MRPS31: variants seen among roughly 807,000 people sequenced by gnomAD.
The protein encoded by MRPS31 is mitochondrial ribosomal protein S31, also known as small ribosomal subunit protein mS31.
Under a neutral mutation model 43.1 loss-of-function variants are expected in MRPS31, and 32 were observed. The observed-to-expected ratio is 0.74, with a 90% confidence interval of 0.56 to 1.00. The LOEUF is 1.00. Among genes scored for constraint, MRPS31 ranks in the 50% least tolerant of loss-of-function variants. MRPS31 has a pLI of 0.00. For missense variants in MRPS31, 437 were observed against 466.7 expected, an observed-to-expected ratio of 0.94 and a Z score of 0.59; for synonymous variants, 165 against 161.6, an observed-to-expected ratio of 1.02 and a Z score of -0.16.
At chr13:40,756,410 A>G (rs1479845299) in intron 4 of MRPS31, among the ~76,000 whole-genome samples, 1 of 152,226 alleles carries the variant, frequency 6.6e-6, no homozygotes, top group Admixed American at 6.5e-5. Flanking sequence ...AGTGTTATAT[A>G]AACTTTTTTC....
chr13:40,771,129 G>C lies in MRPS31; in HGVS notation c.8C>G (p.Pro3Arg). MF[P>R]RVSTFLPLRP... The stretch of plus-strand genomic sequence containing the variant: ...AAGAGGTAGGAACGTCGAGACTCTA[G>C]GAAACATCGCCGAGACACGAAATGA... The change falls in exon 1 of 7, where the codon CCT becomes CGT. Residue 3 changes from proline (P) to arginine (R), a missense_variant. By Grantham distance (103) the Pro-to-Arg change is moderately radical. Coordinates refer to ENST00000323563, the MANE Select transcript of MRPS31 (RefSeq NM_005830.4). 1 of 1,602,964 alleles carries C rather than the reference G, an allele frequency of 6.2e-7. No individual in the cohort carries two copies. Among genetic ancestry groups the C allele is most frequent in the East Asian group, 2.2e-5 (1 of 44,572 alleles).
At chr13:40,764,766 C>A (rs898100787) in intron 2 of MRPS31, among the ~76,000 whole-genome samples, 1 of 152,184 alleles carries the variant, frequency 6.6e-6, no homozygotes, top group Non-Finnish European at 1.5e-5. Context: ...AAACTTCAGA[C>A]AATTCCAGCC....
chr13:40,738,800 A>C (rs1457045086), intron 6 of MRPS31, among the ~76,000 whole-genome samples: 1 of 152,212 alleles, frequency 6.6e-6, no homozygotes, highest in African/African-American at 2.4e-5. Context: ...AAATAATAAG[A>C]GATATCTATG....
chr13:40,735,284 C>A (rs1291205908), intron 6 of MRPS31, among the ~76,000 whole-genome samples: 4 of 152,222 alleles, frequency 2.6e-5, no homozygotes, highest in Non-Finnish European at 5.9e-5. Context: ...GGTCCTACGC[C>A]CACGGAGTCT....
intron 6 of MRPS31, among the ~76,000 whole-genome samples, chr13:40,732,711 C>A (rs1190914138): frequency 6.6e-6 from 1 of 151,972 alleles, no homozygotes; most frequent in Non-Finnish European, 1.5e-5. Context: ...GCACTCCAGC[C>A]TGAGTGACAG....
chr13:40,762,734 A>T (rs551070041), intron 2 of MRPS31, among the ~76,000 whole-genome samples: 1 of 150,088 alleles, frequency 6.7e-6, no homozygotes, highest in South Asian at 2.1e-4. Context: ...GCCCAACTCC[A>T]TCACTCTTAT....
At chr13:40,731,217 CA>C in intron 6 of MRPS31, 1 of 149,686 alleles carries the variant, frequency 6.7e-6, no homozygotes, top group East Asian at 2.0e-4. Flanking sequence ...TCATACCATG[CA>C]CTCTAGCCTG....
intron 6 of MRPS31, among the ~76,000 whole-genome samples, chr13:40,732,994 GTTTTTTTTTTTTTT>G (rs1159862645): frequency 1.2e-5 from 1 of 84,486 alleles, no homozygotes; most frequent in Non-Finnish European, 2.1e-5. Context: ...AATGCATTTG[GTTTTTTTTTTTTTT>G]TTTTTTTTTT....
At chr13:40,738,244 G>A (rs1191382188) in intron 6 of MRPS31, among the ~76,000 whole-genome samples, 2 of 151,408 alleles carry the variant, frequency 1.3e-5, no homozygotes, top group Non-Finnish European at 3.0e-5. Context: ...CCAGGAAGAA[G>A]TTGAATCTCT....
intron 5 of MRPS31, among the ~76,000 whole-genome samples, chr13:40,750,916 G>C (rs1448741075): frequency 6.6e-6 from 1 of 151,262 alleles, no homozygotes; most frequent in East Asian, 1.9e-4. Flanking sequence ...AAATTCCTAG[G>C]AACAGTTTCC....
At chr13:40,733,010 T>G (rs906974876) in intron 6 of MRPS31, among the ~76,000 whole-genome samples, 5 of 145,704 alleles carry the variant, frequency 3.4e-5, no homozygotes, top group African/African-American at 1.0e-4. Context: ...TTTTTTTTTT[T>G]TTTTTTTTTT....
At chr13:40,754,541 T>A (rs1880476174) in intron 4 of MRPS31, among the ~76,000 whole-genome samples, 1 of 152,216 alleles carries the variant, frequency 6.6e-6, no homozygotes, top group Non-Finnish European at 1.5e-5. Context: ...ACATTCCCTT[T>A]CATAAGGCAA....
chr13:40,765,192 G>A (rs1880811794), intron 2 of MRPS31, among the ~76,000 whole-genome samples: 1 of 152,116 alleles, frequency 6.6e-6, no homozygotes, highest in African/African-American at 2.4e-5. Context: ...CACTAATAGA[G>A]GTTCTAAGAC....
rs556752237 is a variant in MRPS31 at position 40,735,118 on chromosome 13, C to T, written c.959-5517G>A. On this transcript the variant is annotated intron_variant, in intron 6 of 6. Coordinates refer to ENST00000323563, the MANE Select transcript of MRPS31 (RefSeq NM_005830.4). Reference sequence around the variant, plus strand: ...AAAGAGGGTGAGGCATTGCCTCACTCGGGAAGCGCAAGGGGTCAGGGAGTT... The same window carrying T: ...AAAGAGGGTGAGGCATTGCCTCACTTGGGAAGCGCAAGGGGTCAGGGAGTT... 3.9e-4 allele frequency among the ~76,000 whole-genome samples: 60 copies of T among 152,254 alleles called. 1 individual carries two copies. The South Asian group carries it at 0.012, about 31-fold the overall frequency.
At chr13:40,757,104 T>C (rs1880551644) in intron 3 of MRPS31, 91 bp from the exon 4 acceptor site, 4 of 1,013,454 alleles carry the variant, frequency 3.9e-6, no homozygotes. Flanking sequence ...ATCATTTAAT[T>C]CTTATTTCAT....
At chr13:40,757,336 CTAAAT>C (rs1332230726) in intron 3 of MRPS31, among the ~76,000 whole-genome samples, 15 of 151,776 alleles carry the variant, frequency 9.9e-5, no homozygotes, top group Non-Finnish European at 2.2e-4. Flanking sequence ...CATCCAATAA[CTAAAT>C]TAAAACCAAG....
intron 6 of MRPS31, among the ~76,000 whole-genome samples, chr13:40,738,015 G>C (rs1386763675): frequency 6.6e-6 from 1 of 151,478 alleles, no homozygotes; most frequent in Non-Finnish European, 1.5e-5. Context: ...TTTTTGAAAG[G>C]ATCAACAAAA....
At chr13:40,751,970 A>C (rs1480062076) in intron 5 of MRPS31, among the ~76,000 whole-genome samples, 1 of 152,132 alleles carries the variant, frequency 6.6e-6, no homozygotes, top group Non-Finnish European at 1.5e-5. Context: ...GACTCTCAAG[A>C]ATCTTCAAGT....
intron 4 of MRPS31, among the ~76,000 whole-genome samples, chr13:40,755,374 G>A (rs1300622884): frequency 6.6e-6 from 1 of 152,200 alleles, no homozygotes; most frequent in African/African-American, 2.4e-5. Flanking sequence ...AAAGAGGAAC[G>A]TACTACAAAG....
Sources: allele counts gnomAD v4.1 joint callset (sites outside exome capture counted in the v4.1 genomes callset), GRCh38; gene constraint gnomAD v4.1.1; transcripts MANE v1.5; gene names NCBI Gene and HGNC (gene_info 2026-07-23, HGNC 2026-07-21).